The following CXCL14 variants were observed in gnomAD, a reference collection of about 807,000 sequenced individuals.
The protein encoded by CXCL14 is C-X-C motif chemokine 14.
CXCL14 carries 9 observed loss-of-function variants against 16.1 expected under a neutral mutation model. The observed-to-expected ratio is 0.56, with a 90% CI of 0.34 to 0.97. The LOEUF is 0.97. Among genes scored for constraint, CXCL14 ranks in the 50% least tolerant of loss-of-function variants. CXCL14 has a pLI of 0.02. For synonymous variants in CXCL14, 55 were observed against 52.8 expected (o/e 1.04, Z -0.18); for missense variants, 111 against 132.5 (o/e 0.84, Z 0.80).
Position 135,578,944 on chromosome 5 carries a change from T to C in CXCL14, c.-166A>G. On this transcript the variant is annotated 5_prime_UTR_variant, in exon 1 of 4. Coordinates refer to ENST00000512158, the MANE Select transcript of CXCL14 (RefSeq NM_004887.5). ...CGCCGTCGGTGGATGCCCAGGGCTGTCTGTGGCCGTGCGCTGCGCTCTGCG... is the reference window on the plus strand; with the variant it reads ...CGCCGTCGGTGGATGCCCAGGGCTGCCTGTGGCCGTGCGCTGCGCTCTGCG... 1.5e-6 allele frequency: 1 copy of C among 675,520 alleles called. No homozygotes were observed. The highest frequency in any genetic ancestry group is 2.3e-6 in the Non-Finnish European group (1 of 433,322). 41.8% of individuals were successfully genotyped at this position (675,520 alleles called of 1,614,324 possible). A position where few individuals can be genotyped will look rare whatever the true frequency, so the allele number is the denominator to read the frequency against.
In CXCL14 at chr5:135,574,557, A is replaced by G; in HGVS notation, c.284+15T>C. On this transcript the variant is annotated intron_variant, in intron 3 of 3. Transcript: ENST00000512158. ...GGGTCTGGTGGGAAGGAAGGTGAGT[A>G]GAGGCGGGGCGTACCTGCGCTTCTC... 1.9e-6 allele frequency: 3 copies of G among 1,601,906 alleles called. No individual in the cohort carries two copies. Among genetic ancestry groups the G allele is most frequent in the Non-Finnish European group, 2.6e-6 (3 of 1,171,620 alleles).
chr5:135,571,661 T>C lies in CXCL14; in HGVS notation c.*192A>G, dbSNP rs1174807280. Reference sequence around the variant, plus strand: ...TCTGGAAGCCTTTCGCACGCAGCTATAAAATGTAAAAACTGACCGTTGGTA... The same window carrying C: ...TCTGGAAGCCTTTCGCACGCAGCTACAAAATGTAAAAACTGACCGTTGGTA... On this transcript the variant is annotated 3_prime_UTR_variant, in exon 4 of 4. Coordinates refer to ENST00000512158, the MANE Select transcript of CXCL14 (RefSeq NM_004887.5). 3 of 563,510 alleles carry C rather than the reference T, an allele frequency of 5.3e-6. No individual in the cohort carries two copies. Among genetic ancestry groups the C allele is most frequent in the Non-Finnish European group, 8.9e-6 (3 of 337,816 alleles). 34.9% of individuals were successfully genotyped at this position (563,510 alleles called of 1,614,324 possible). A position where few individuals can be genotyped will look rare whatever the true frequency, so the allele number is the denominator to read the frequency against.
chr5:135,574,523 G>A, intron 3 of CXCL14, 49 bp downstream of exon 3: 1 of 1,504,232 alleles, frequency 6.6e-7, no homozygotes, highest in Non-Finnish European at 9.2e-7. Context: ...CATCCTGAGA[G>A]CCACAGCTGG....
chr5:135,578,673 GGACAA>G, intron 1 of CXCL14, 37 bp downstream of exon 1: 1 of 1,560,430 alleles, frequency 6.4e-7, no homozygotes, highest in African/African-American at 1.4e-5. Flanking sequence ...CCCCAGGACA[GGACAA>G]GACGAGACGG....
At chr5:135,573,544 C>A (rs1357657105) in intron 3 of CXCL14, among the ~76,000 whole-genome samples, 1 of 152,106 alleles carries the variant, frequency 6.6e-6, no homozygotes, top group South Asian at 2.1e-4. Flanking sequence ...CCTGTGAGGG[C>A]AGCTGGTGGG....
Position 135,574,676 on chromosome 5 carries a change from G to T in CXCL14, c.180C>A (p.Thr60=), listed in dbSNP as rs1751072773. The T allele has an allele frequency of 1.2e-6, 2 of 1,613,736 alleles. No individual in the cohort carries two copies. The highest frequency in any genetic ancestry group is 4.5e-5 in the East Asian group (2 of 44,880). The change falls in exon 3 of 4, where the codon ACC becomes ACA. Residue 60 remains threonine, a synonymous_variant. Coordinates refer to ENST00000512158, the MANE Select transcript of CXCL14 (RefSeq NM_004887.5). ...HCEEKMVIIT[T]KSVSRYRGQE... ...GACCTCGGTACCTGGACACGCTCTT[G>T]GTGGTGATGCTGAAACGGAGCAGGA...
intron 2 of CXCL14, 29 bp downstream of exon 2, chr5:135,578,405 C>G: frequency 6.4e-7 from 1 of 1,573,612 alleles, no homozygotes; most frequent in Non-Finnish European, 8.7e-7. Context: ...GCAGTGCGCA[C>G]CCCCTCAAGG....
At chr5:135,573,399 A>G (rs1301804024) in intron 3 of CXCL14, among the ~76,000 whole-genome samples, 2 of 152,198 alleles carry the variant, frequency 1.3e-5, no homozygotes, top group Non-Finnish European at 2.9e-5. Flanking sequence ...GAGGCAGCAA[A>G]AAAGGCTCAG....
At chr5:135,578,399 T>G (rs771365067) in intron 2 of CXCL14, 35 bp downstream of exon 2, 8 of 1,566,446 alleles carry the variant, frequency 5.1e-6, no homozygotes, top group Non-Finnish European at 7.0e-6. Flanking sequence ...TTGACAGCAG[T>G]GCGCACCCCC....
Position 135,574,619 on chromosome 5 carries a change from G to T in CXCL14, c.237C>A (p.Ser79Arg). The T allele has an allele frequency of 6.2e-7, 1 of 1,613,664 alleles. No individual in the cohort carries two copies. Among genetic ancestry groups the T allele is most frequent in the Non-Finnish European group, 8.5e-7 (1 of 1,179,926 alleles). Reference sequence around the variant, plus strand: ...TGTACCACTTGATGAAGCGCTTGGTGCTCTGCAGCTTGGGGTGCAGGCAGT... The same window carrying T: ...TGTACCACTTGATGAAGCGCTTGGTTCTCTGCAGCTTGGGGTGCAGGCAGT... ...QEHCLHPKLQSTKRFIKWYNA... is the reference protein window; with the variant it reads ...QEHCLHPKLQRTKRFIKWYNA... Residue 79 changes from serine (S) to arginine (R), a missense_variant, in exon 3 of 4, where the codon AGC (serine) becomes AGA (arginine). Ser to Arg is a moderately radical substitution (Grantham distance 110, BLOSUM62 -1). Transcript: ENST00000512158.
In CXCL14 at chr5:135,571,522, C is replaced by T. The variant is rs954846961; in HGVS notation, c.*331G>A. 8 of 322,386 alleles carry T rather than the reference C, an allele frequency of 2.5e-5. No homozygotes were observed. The highest frequency in any genetic ancestry group is 2.0e-4 in the South Asian group (4 of 20,218). The allele number at this position is 322,386 out of a possible 1,614,324, so 20.0% of individuals were successfully genotyped here. A position where few individuals can be genotyped will look rare whatever the true frequency, so the allele number is the denominator to read the frequency against. On this transcript the variant is annotated 3_prime_UTR_variant, in exon 4 of 4. Transcript: ENST00000512158. ...CTTATAAAGCTCAGATGTATAGTGA[C>T]GTATGGACAAATACAAAAAAGCATT...
intron 1 of CXCL14, 25 bp downstream of exon 1, chr5:135,578,690 G>C: frequency 1.3e-6 from 2 of 1,553,950 alleles, no homozygotes; most frequent in Non-Finnish European, 1.7e-6. Flanking sequence ...ACGAGACGGC[G>C]ACAAGGGGAG....
At chr5:135,575,847 A>C (rs1278302178) in intron 2 of CXCL14, among the ~76,000 whole-genome samples, 1 of 152,150 alleles carries the variant, frequency 6.6e-6, no homozygotes, top group Non-Finnish European at 1.5e-5. Context: ...GGGGTGCTGG[A>C]ATGGGCTTGG....
chr5:135,578,618 AC>A, intron 1 of CXCL14, 79 bp from the exon 2 acceptor site: 2 of 1,590,144 alleles, frequency 1.3e-6, no homozygotes, highest in Non-Finnish European at 1.7e-6. Flanking sequence ...CACCCAGACC[AC>A]CCCCCGCGGG....
rs1379283453 is a variant in CXCL14, at chr5:135,570,880, G to A, written c.*973C>T. 3 of 152,166 alleles carry A rather than the reference G, an allele frequency of 2.0e-5. No individual in the cohort carries two copies. Among genetic ancestry groups the A allele is most frequent in the Non-Finnish European group, 2.9e-5 (2 of 68,046 alleles). The allele number at this position is 152,166 out of a possible 1,614,324, so 9.4% of individuals were successfully genotyped here. Reference sequence around the variant, plus strand: ...AGGGCGCATGGTCATCTTAGCTTTCGAAAGAGGACTGCACTGTTTAACATT... The same window carrying A: ...AGGGCGCATGGTCATCTTAGCTTTCAAAAGAGGACTGCACTGTTTAACATT... On this transcript the variant is annotated 3_prime_UTR_variant, in exon 4 of 4. Transcript: ENST00000512158.
At chr5:135,576,046 G>C (rs116452808) in intron 2 of CXCL14, among the ~76,000 whole-genome samples, 499 of 152,358 alleles carry the variant, frequency 3.3e-3, no homozygotes, top group Non-Finnish European at 6.1e-3. Flanking sequence ...CTTGCCACCA[G>C]AATGGGGGCA....
Position 135,574,699 on chromosome 5 carries a change from G to C in CXCL14, c.171-14C>G. 1 of 1,601,430 alleles carries C rather than the reference G, an allele frequency of 6.2e-7. No homozygotes were observed. Among genetic ancestry groups the C allele is most frequent in the Non-Finnish European group, 8.6e-7 (1 of 1,168,782 alleles). ...TTGGTGGTGATGCTGAAACGGAGCA[G>C]GATGAGGTGGAGGGTTGAGGAGCCT... On this transcript the variant is annotated splice_polypyrimidine_tract_variant and intron_variant, in intron 2 of 3. Transcript: ENST00000512158.
chr5:135,572,281 A>T lies in CXCL14; in HGVS notation c.285-413T>A, dbSNP rs74693616. On this transcript the variant is annotated intron_variant, in intron 3 of 3. Transcript: ENST00000512158. ...CTTGTTTCTTTCCGCGTCTGTACTC[A>T]GCCTCTCTATTTAGAGAAAATAGCA... Among the ~76,000 whole-genome samples the T allele has an allele frequency of 9.0e-4, 137 of 152,272 alleles. 5 individuals carry two copies. In the East Asian group the frequency reaches 0.023, roughly 26 times the overall value.
At chr5:135,576,275 T>C (rs906413604) in intron 2 of CXCL14, among the ~76,000 whole-genome samples, 1 of 152,222 alleles carries the variant, frequency 6.6e-6, no homozygotes, top group Non-Finnish European at 1.5e-5. Context: ...TCTCCCCCAC[T>C]GTGCCCAGTC....
Sources: allele counts gnomAD v4.1 joint callset (sites outside exome capture counted in the v4.1 genomes callset), GRCh38; gene constraint gnomAD v4.1.1; transcripts MANE v1.5; gene names NCBI Gene and HGNC (gene_info 2026-07-23, HGNC 2026-07-21).